Variants in OARD1 observed in about 807,000 individuals in gnomAD.
OARD1 encodes the protein O-acyl-ADP-ribose deacylase 1.
OARD1 carries 19 observed loss-of-function variants against 19.7 expected under a neutral mutation model. The ratio of observed to expected loss-of-function variants is 0.96; its 90% CI spans 0.67 to 1.41. The LOEUF is 1.41. OARD1 is among the 40% of genes most tolerant of loss of function. The probability of loss-of-function intolerance (pLI) is 0.00; values close to 1 mark genes in which losing one functional copy is unlikely to be tolerated. For missense variants in OARD1, 190 were observed against 183.8 expected, an observed-to-expected ratio of 1.03 and a Z score of -0.20; for synonymous variants, 70 against 61.8, an observed-to-expected ratio of 1.13 and a Z score of -0.62.
intron 1 of OARD1, among the ~76,000 whole-genome samples, chr6:41,097,074 GAAC>G (rs1260324199): frequency 6.6e-6 from 1 of 152,154 alleles, no homozygotes; most frequent in Non-Finnish European, 1.5e-5. Flanking sequence ...TAAGTATAGA[GAAC>G]AACACAAGGT....
At chr6:41,082,542 TGAATA>T (rs1763938393) in intron 1 of OARD1, among the ~76,000 whole-genome samples, 1 of 152,220 alleles carries the variant, frequency 6.6e-6, no homozygotes, top group East Asian at 1.9e-4. Context: ...ATTAAGATGA[TGAATA>T]GATAGAAAAT....
chr6:41,068,799 C>G (rs1181063030), intron 5 of OARD1, 42 bp downstream of exon 5: 5 of 1,057,462 alleles, frequency 4.7e-6, no homozygotes, highest in Non-Finnish European at 5.6e-6. Context: ...GTAAACCCCA[C>G]CAATCAATTA....
upstream of OARD1, chr6:41,075,217 T>C (rs1272898269): frequency 6.6e-6 from 1 of 152,184 alleles, no homozygotes; most frequent in Non-Finnish European, 1.5e-5. Context: ...TACAGGGCTT[T>C]CCTCTGTCAT....
At chr6:41,082,368 G>T (rs1040828797) in intron 1 of OARD1, among the ~76,000 whole-genome samples, 1 of 152,126 alleles carries the variant, frequency 6.6e-6, no homozygotes, top group Non-Finnish European at 1.5e-5. Flanking sequence ...ATTTTGGATT[G>T]TCATTAACCC....
At chr6:41,069,037 T>G in intron 4 of OARD1, 84 bp from the exon 5 acceptor site, 1 of 667,916 alleles carries the variant, frequency 1.5e-6, no homozygotes, top group South Asian at 2.0e-5. Flanking sequence ...TCCCAATAAT[T>G]AAAAGAGTAA....
intron 1 of OARD1, chr6:41,080,730 C>G (rs1763882333): frequency 1.7e-6 from 2 of 1,181,936 alleles, no homozygotes; most frequent in Non-Finnish European, 2.5e-6. Context: ...TCTCTCTCCT[C>G]CAAGAGGTAA....
intron 1 of OARD1, among the ~76,000 whole-genome samples, chr6:41,091,159 A>G (rs1764188885): frequency 6.6e-6 from 1 of 152,252 alleles, no homozygotes; most frequent in Admixed American, 6.5e-5. Flanking sequence ...TGAGATAAAC[A>G]AAGTATAAGT....
intron 1 of OARD1, chr6:41,092,900 C>G: frequency 4.3e-6 from 7 of 1,610,978 alleles, no homozygotes; most frequent in Non-Finnish European, 5.9e-6. Context: ...CTCTGGTTTC[C>G]TGTTCACACA....
intron 1 of OARD1, among the ~76,000 whole-genome samples, chr6:41,088,215 G>A (rs1409941481): frequency 2.6e-5 from 4 of 151,796 alleles, no homozygotes; most frequent in Admixed American, 2.0e-4. Context: ...TCAGGAGATC[G>A]AGACCATCCT....
chr6:41,079,262 T>C, intron 1 of OARD1: 1 of 1,140,546 alleles, frequency 8.8e-7, no homozygotes. Context: ...ATTTGAAAGA[T>C]ACCAGATCTT....
At chr6:41,079,017 C>T in intron 1 of OARD1, 1 of 1,373,656 alleles carries the variant, frequency 7.3e-7, no homozygotes, top group Non-Finnish European at 1.0e-6. Context: ...TCTTTCCCCA[C>T]CTTTCTAACA....
intron 1 of OARD1, chr6:41,080,664 A>G: frequency 1.7e-6 from 1 of 578,660 alleles, no homozygotes. Context: ...ACTACCTTCA[A>G]CAAAACAGCT....
upstream of OARD1, chr6:41,072,981 A>C (rs1043403485): frequency 6.4e-5 from 10 of 155,090 alleles, no homozygotes; most frequent in East Asian, 1.9e-3. Flanking sequence ...TTTGCTAGGC[A>C]GCGGCAGTGG....
chr6:41,072,799 T>G (rs1052855033), upstream of OARD1: 2 of 152,992 alleles, frequency 1.3e-5, no homozygotes, highest in African/African-American at 4.8e-5. Context: ...TTCCTTTCAC[T>G]GGGGGTGGTG....
upstream of OARD1, chr6:41,072,924 G>T: frequency 6.5e-6 from 1 of 153,806 alleles, no homozygotes; most frequent in South Asian, 1.8e-4. Context: ...CGCCTGCGCG[G>T]AGGCGGTTGG....
At chr6:41,069,994 G>C in intron 4 of OARD1, 82 bp downstream of exon 4, 1 of 841,056 alleles carries the variant, frequency 1.2e-6, no homozygotes, top group African/African-American at 1.7e-5. Flanking sequence ...CAACACAAAT[G>C]CAGTGCAGCC....
chr6:41,086,258 G>A (rs2113804718), intron 1 of OARD1, among the ~76,000 whole-genome samples: 1 of 152,236 alleles, frequency 6.6e-6, no homozygotes, highest in Middle Eastern at 3.4e-3. Context: ...TCTTGGCCAA[G>A]TTATTTAATT....
At chr6:41,092,785 A>T in intron 1 of OARD1, 1 of 842,988 alleles carries the variant, frequency 1.2e-6, no homozygotes, top group Non-Finnish European at 1.8e-6. Context: ...ATCCGCATTT[A>T]CCCAAGTACC....
At chr6:41,073,734 C>T (rs1252586258), upstream of OARD1, among the ~76,000 whole-genome samples, 1 of 152,110 alleles carries the variant, frequency 6.6e-6, no homozygotes, top group African/African-American at 2.4e-5. Context: ...CCGCTGTCTC[C>T]CTGGTGGGGA....
Sources: gnomAD v4.1 joint callset for allele counts (sites outside exome capture counted in the v4.1 genomes callset) on GRCh38, gnomAD v4.1.1 for gene constraint, MANE v1.5 for transcripts, NCBI Gene and HGNC (gene_info 2026-07-23, HGNC 2026-07-21) for gene names.